Variants in ME1 observed in about 807,000 individuals in gnomAD.
The protein encoded by ME1 is NADP-dependent malic enzyme.
Under a neutral mutation model 66.4 loss-of-function variants are expected in ME1, and 74 were observed. The ratio of observed to expected loss-of-function variants is 1.11; its 90% CI spans 0.92 to 1.35. The LOEUF is 1.35. Ranked by LOEUF, ME1 falls within the 40% of genes most tolerant of loss-of-function variation. ME1 has a pLI of 0.00. For synonymous variants in ME1, 251 were observed against 235.6 expected, an observed-to-expected ratio of 1.07 and a Z score of -0.60; for missense variants, 750 against 694.1, an observed-to-expected ratio of 1.08 and a Z score of -0.90.
intron 5 of ME1, among the ~76,000 whole-genome samples, chr6:83,325,792 A>G (rs1429145307): frequency 6.6e-6 from 1 of 152,152 alleles, no homozygotes; most frequent in Non-Finnish European, 1.5e-5. Flanking sequence ...CATAGGGCCC[A>G]AAGTAATTTA....
chr6:83,262,013 C>CAAAAAAAAAAAAAA (rs374491049), intron 6 of ME1, among the ~76,000 whole-genome samples: 1 of 77,224 alleles, frequency 1.3e-5, no homozygotes, highest in Non-Finnish European at 2.5e-5. Context: ...GAATCCATCT[C>CAAAAAAAAAAAAAA]AAAAAAAAAA....
At chr6:83,227,865 T>G (rs749066230) in intron 10 of ME1, among the ~76,000 whole-genome samples, 18 of 152,188 alleles carry the variant, frequency 1.2e-4, no homozygotes, top group Non-Finnish European at 2.4e-4. Context: ...ACGCTATCAC[T>G]TAAGACAACC....
At chr6:83,218,898 C>T (rs1442323585) in intron 12 of ME1, among the ~76,000 whole-genome samples, 7 of 152,208 alleles carry the variant, frequency 4.6e-5, no homozygotes, top group Non-Finnish European at 7.3e-5. Context: ...GCCTCTCCTA[C>T]TGCAGGGAGA....
chr6:83,301,539 C>T lies in ME1; in HGVS notation c.704+13771G>A, dbSNP rs190989684. On this transcript the variant is annotated intron_variant, in intron 6 of 13. Transcript: ENST00000369705. ...TGTATTTTTAGTAGACATGGGGTTT[C>T]ACCATGTTGACCAGGCTGGTCTTGA... is the stretch of plus-strand genomic sequence containing the variant. 1.9e-3 allele frequency among the ~76,000 whole-genome samples: 295 copies of T among 152,168 alleles called. 2 individuals carry two copies. Among genetic ancestry groups the T allele is most frequent in the African/African-American group, 6.5e-3 (269 of 41,530 alleles).
chr6:83,414,510 A>G (rs563512971), intron 1 of ME1, among the ~76,000 whole-genome samples: 1 of 152,296 alleles, frequency 6.6e-6, no homozygotes, highest in Admixed American at 6.5e-5. Flanking sequence ...ACAGCAAAAT[A>G]TCACTTTATA....
chr6:83,425,452 A>G (rs1001532727), intron 1 of ME1, among the ~76,000 whole-genome samples: 3 of 152,212 alleles, frequency 2.0e-5, no homozygotes, highest in Non-Finnish European at 4.4e-5. Context: ...CAGGAAACAT[A>G]CAATCATGGC....
chr6:83,282,966 A>C (rs1144186), intron 6 of ME1, among the ~76,000 whole-genome samples: 151,443 of 151,448 alleles, frequency 1, 75,719 homozygotes, highest in Middle Eastern at 1. Context: ...CGGTGGCTCA[A>C]GCCTGTAATC....
At chr6:83,370,214 C>T (rs1404195053) in intron 3 of ME1, among the ~76,000 whole-genome samples, 2 of 152,088 alleles carry the variant, frequency 1.3e-5, no homozygotes, top group Non-Finnish European at 2.9e-5. Flanking sequence ...GCTGACAAAT[C>T]CCTGTCTTTC....
At chr6:83,322,450 GA>G (rs1016634251) in intron 5 of ME1, among the ~76,000 whole-genome samples, 83 of 152,118 alleles carry the variant, frequency 5.5e-4, no homozygotes, top group Non-Finnish European at 1.0e-3. Flanking sequence ...CCAGATTAGA[GA>G]AGAACATAAA....
At chr6:83,262,233 G>A (rs1006919744) in intron 6 of ME1, among the ~76,000 whole-genome samples, 15 of 152,114 alleles carry the variant, frequency 9.9e-5, no homozygotes, top group Admixed American at 6.6e-5. Flanking sequence ...TGGCCTCTGA[G>A]CTGAAGGCAG....
intron 5 of ME1, among the ~76,000 whole-genome samples, chr6:83,325,429 C>T (rs1768269918): frequency 6.6e-6 from 1 of 152,164 alleles, no homozygotes; most frequent in African/African-American, 2.4e-5. Flanking sequence ...CAAATTGTCT[C>T]TCTTTGCAGA....
chr6:83,300,775 T>C (rs984480989), intron 6 of ME1, among the ~76,000 whole-genome samples: 1 of 152,078 alleles, frequency 6.6e-6, no homozygotes, highest in African/African-American at 2.4e-5. Flanking sequence ...CTATTCACAA[T>C]AGCAAAGACT....
chr6:83,268,733 T>TATA (rs1467806738), intron 6 of ME1, among the ~76,000 whole-genome samples: 1 of 148,304 alleles, frequency 6.7e-6, no homozygotes, highest in Non-Finnish European at 1.5e-5. Flanking sequence ...GCCCCGTTAT[T>TATA]ATTATTATTA....
At chr6:83,368,444 T>C (rs1475483253) in intron 3 of ME1, among the ~76,000 whole-genome samples, 1 of 152,100 alleles carries the variant, frequency 6.6e-6, no homozygotes, top group Non-Finnish European at 1.5e-5. Context: ...CTTGTACTAA[T>C]AAGCTTGGTT....
At chr6:83,334,389 A>C (rs1166393247) in intron 5 of ME1, among the ~76,000 whole-genome samples, 1 of 76,666 alleles carries the variant, frequency 1.3e-5, no homozygotes, top group Non-Finnish European at 2.6e-5. Flanking sequence ...AGGCTGGGGG[A>C]GGGGCGCCCG....
chr6:83,344,370 G>T (rs554991753), intron 5 of ME1, among the ~76,000 whole-genome samples: 1 of 151,480 alleles, frequency 6.6e-6, no homozygotes, highest in East Asian at 1.9e-4. Context: ...TTCTCCACAG[G>T]ATTTTTAAGA....
chr6:83,426,806 T>C (rs74504309), intron 1 of ME1, among the ~76,000 whole-genome samples: 211 of 152,000 alleles, frequency 1.4e-3, no homozygotes, highest in African/African-American at 4.8e-3. Context: ...TATGGAAGAG[T>C]GGTGTTGTTT....
At chr6:83,320,578 A>C (rs1313960468) in intron 5 of ME1, among the ~76,000 whole-genome samples, 1 of 152,242 alleles carries the variant, frequency 6.6e-6, no homozygotes, top group African/African-American at 2.4e-5. Flanking sequence ...GCTTCTGAGC[A>C]GCTGAAGTTG....
At chr6:83,309,576 T>C (rs1438118834) in intron 6 of ME1, among the ~76,000 whole-genome samples, 1 of 152,130 alleles carries the variant, frequency 6.6e-6, no homozygotes, top group African/African-American at 2.4e-5. Flanking sequence ...ATGTTACATA[T>C]GCTATGTCTA....
Sources: gnomAD v4.1 joint callset for allele counts (sites outside exome capture counted in the v4.1 genomes callset) on GRCh38, gnomAD v4.1.1 for gene constraint, MANE v1.5 for transcripts, NCBI Gene and HGNC (gene_info 2026-07-23, HGNC 2026-07-21) for gene names.